LYRM1: variants seen among roughly 807,000 people sequenced by gnomAD.
LYRM1 encodes LYR motif-containing protein 1.
Under a neutral mutation model 14.9 loss-of-function variants are expected in LYRM1, and 14 were observed. That is an observed-to-expected ratio of 0.94 (90% CI 0.62 to 1.47). LYRM1 has a LOEUF of 1.47. Ranked by LOEUF, LYRM1 falls within the 40% of genes most tolerant of loss-of-function variation. The probability of loss-of-function intolerance (pLI) is 0.00; values close to 1 mark genes in which losing one functional copy is unlikely to be tolerated. For synonymous variants in LYRM1, 43 were observed against 56.2 expected (o/e 0.77, Z 1.05); for missense variants, 153 against 149.9 (o/e 1.02, Z -0.11).
rs180688351 is a variant in LYRM1, at chr16:20,914,974, T to G, written c.1-582T>G. 5.8e-4 allele frequency among the ~76,000 whole-genome samples: 89 copies of G among 152,278 alleles called. No individual in the cohort carries two copies. The Middle Eastern group carries it at 0.01, about 18-fold the overall frequency. On this transcript the variant is annotated intron_variant, in intron 1 of 3. Coordinates refer to ENST00000567954, the MANE Select transcript of LYRM1 (RefSeq NM_001128302.3). ...AATTTTACTGGACTGGCTTAAAGAA[T>G]AATAAGTGTGAGCTTTGGTTTTGCC...
intron 3 of LYRM1, among the ~76,000 whole-genome samples, chr16:20,923,009 C>T (rs972686461): frequency 6.6e-6 from 1 of 152,096 alleles, no homozygotes; most frequent in Admixed American, 6.6e-5. Context: ...CAAAAGGAGC[C>T]GCTTCCCCTT....
At chr16:20,904,428 CCTAAA>C (rs2082215783) in intron 1 of LYRM1, among the ~76,000 whole-genome samples, 1 of 152,172 alleles carries the variant, frequency 6.6e-6, no homozygotes, top group African/African-American at 2.4e-5. Flanking sequence ...TATTACAGGG[CCTAAA>C]CTAAATTATT....
intron 2 of LYRM1, among the ~76,000 whole-genome samples, chr16:20,917,054 A>T (rs930639966): frequency 3.3e-5 from 4 of 121,268 alleles, no homozygotes; most frequent in African/African-American, 1.5e-4. Flanking sequence ...CCTGTCTCTT[A>T]AAAAAAAAAA....
rs770027171 is a variant in LYRM1, at chr16:20,915,515, T to G, written c.1-41T>G. The G allele has an allele frequency of 8.8e-6, 14 of 1,589,194 alleles. No individual in the cohort carries two copies. In the African/African-American group the frequency reaches 1.8e-4, roughly 20 times the overall value. ...CTGGTGCCTCCTGTCAAGTTGCATT[T>G]TTATGCAAATTTTCCCTCTTCTATT... is the stretch of plus-strand genomic sequence containing the variant. On this transcript the variant is annotated intron_variant, in intron 1 of 3. Coordinates refer to ENST00000567954, the MANE Select transcript of LYRM1 (RefSeq NM_001128302.3).
intron 1 of LYRM1, among the ~76,000 whole-genome samples, chr16:20,902,933 C>T (rs1010468193): frequency 6.6e-6 from 1 of 152,130 alleles, no homozygotes; most frequent in Non-Finnish European, 1.5e-5. Context: ...TTGTCCCTGC[C>T]ACTGCTGCCA....
At chr16:20,905,183 T>C (rs531566120) in intron 1 of LYRM1, among the ~76,000 whole-genome samples, 1 of 152,346 alleles carries the variant, frequency 6.6e-6, no homozygotes, top group South Asian at 2.1e-4. Flanking sequence ...GTTCTTCCTC[T>C]GTTTCCTCCT....
rs1379024573 is a variant in LYRM1 at position 20,901,320 on chromosome 16, G to A, written c.-1+431G>A. On this transcript the variant is annotated intron_variant, in intron 1 of 3. Coordinates refer to ENST00000567954, the MANE Select transcript of LYRM1 (RefSeq NM_001128302.3). This position sits in a 1 kb window ranked among gnomAD's most constrained non-coding sequence, Gnocchi z 4.6. Reference sequence around the variant, plus strand: ...TAATTCTCTTGCTCTTCAAACCTGAGAGTAGGGTGTTGCTCCGTTACCTTC... The same window carrying A: ...TAATTCTCTTGCTCTTCAAACCTGAAAGTAGGGTGTTGCTCCGTTACCTTC... 1 of 152,340 alleles carries A rather than the reference G, an allele frequency of 6.6e-6. No individual in the cohort carries two copies. The highest frequency in any genetic ancestry group is 1.5e-5 in the Non-Finnish European group (1 of 68,110). 9.4% of individuals were successfully genotyped at this position (152,340 alleles called of 1,614,324 possible).
At chr16:20,912,441 T>A (rs12926516) in intron 1 of LYRM1, among the ~76,000 whole-genome samples, 2 of 151,292 alleles carry the variant, frequency 1.3e-5, no homozygotes, top group Non-Finnish European at 2.9e-5. Context: ...TAATTTTTTT[T>A]TGTGTATTTT....
chr16:20,902,367 G>A (rs955180528), intron 1 of LYRM1: 2 of 152,192 alleles, frequency 1.3e-5, no homozygotes, highest in African/African-American at 4.8e-5. Context: ...ACAAGTCGGG[G>A]AAAAATCATA....
intron 3 of LYRM1, chr16:20,920,456 C>T: frequency 4.5e-6 from 2 of 443,488 alleles, no homozygotes; most frequent in Non-Finnish European, 8.0e-6. Flanking sequence ...CCAGCTCACA[C>T]TGTAGAGCTT....
At chr16:20,914,159 C>T (rs919199901) in intron 1 of LYRM1, among the ~76,000 whole-genome samples, 2 of 151,682 alleles carry the variant, frequency 1.3e-5, no homozygotes, top group Admixed American at 6.6e-5. Context: ...AGTAGACCAA[C>T]GATTTTGAGA....
chr16:20,907,654 G>A (rs1441508900), intron 1 of LYRM1, among the ~76,000 whole-genome samples: 1 of 152,024 alleles, frequency 6.6e-6, no homozygotes, highest in Non-Finnish European at 1.5e-5. Context: ...GAGCCACCAT[G>A]CCCTGCCTCA....
chr16:20,915,750 A>G, intron 2 of LYRM1, 36 bp downstream of exon 2: 1 of 1,599,002 alleles, frequency 6.3e-7, no homozygotes, highest in Non-Finnish European at 8.6e-7. Flanking sequence ...TGCAGAGGAG[A>G]GTTGTTCCTT....
At chr16:20,904,691 T>TTTGTG (rs148224628) in intron 1 of LYRM1, among the ~76,000 whole-genome samples, 112 of 141,146 alleles carry the variant, frequency 7.9e-4, no homozygotes, top group African/African-American at 2.9e-3. Context: ...AAGTCTGTGG[T>TTTGTG]TGTGTGTGTG....
At chr16:20,921,870 C>CT (rs1183172663) in intron 3 of LYRM1, 1 of 151,952 alleles carries the variant, frequency 6.6e-6, no homozygotes, top group Non-Finnish European at 1.5e-5. Flanking sequence ...CCCTTTTAGT[C>CT]TTTTTTTCTG....
Position 20,924,093 on chromosome 16 carries a change from A to C in LYRM1, c.346A>C (p.Arg116=). The C allele has an allele frequency of 6.2e-7, 1 of 1,602,460 alleles. No homozygotes were observed. The highest frequency in any genetic ancestry group is 8.5e-7 in the Non-Finnish European group (1 of 1,171,800). The change falls in exon 4 of 4, where the codon AGA becomes CGA. Residue 116 remains arginine (R), a synonymous_variant. Coordinates refer to ENST00000567954, the MANE Select transcript of LYRM1 (RefSeq NM_001128302.3). ...LRKLSKPVYL[R]SHDEVS The stretch of plus-strand genomic sequence containing the variant: ...GAAACTTTCCAAACCAGTATATCTC[A>C]GATCTCATGATGAAGTTTCCTAATC...
At chr16:20,915,523 A>G (rs987609550) in intron 1 of LYRM1, 33 bp from the exon 2 acceptor site, 1 of 1,595,856 alleles carries the variant, frequency 6.3e-7, no homozygotes, top group Non-Finnish European at 8.5e-7. Flanking sequence ...TTTTTATGCA[A>G]ATTTTCCCTC....
At chr16:20,907,233 T>C (rs1596704054) in intron 1 of LYRM1, among the ~76,000 whole-genome samples, 1 of 152,244 alleles carries the variant, frequency 6.6e-6, no homozygotes, top group Non-Finnish European at 1.5e-5. Flanking sequence ...TTGCATAAAA[T>C]CTACCAGTGT....
intron 1 of LYRM1, among the ~76,000 whole-genome samples, chr16:20,903,435 T>G (rs572248660): frequency 1.6e-4 from 25 of 152,222 alleles, no homozygotes; most frequent in Non-Finnish European, 3.4e-4. Flanking sequence ...GTGCTATCCC[T>G]GTGTAGCCAC....
Sources: gnomAD v4.1 joint callset for allele counts (sites outside exome capture counted in the v4.1 genomes callset) on GRCh38, gnomAD v4.1.1 for gene constraint, Gnocchi (gnomAD v3.1) non-coding constraint, MANE v1.5 for transcripts, NCBI Gene and HGNC (gene_info 2026-07-23, HGNC 2026-07-21) for gene names.